Variants in KCNH5 observed in about 807,000 individuals in gnomAD.
KCNH5 encodes voltage-gated delayed rectifier potassium channel KCNH5.
Under a neutral mutation model 96.1 loss-of-function variants are expected in KCNH5, and 46 were observed. The ratio of observed to expected loss-of-function variants is 0.48; its 90% CI spans 0.38 to 0.61. The LOEUF (loss-of-function observed/expected upper bound fraction) is 0.61, where lower values mean the gene tolerates loss of function less well. Among genes scored for constraint, KCNH5 ranks in the 20% least tolerant of loss-of-function variants. The pLI is 0.00. For missense variants in KCNH5, 907 were observed against 1,225.8 expected (o/e 0.74, Z 3.88); for synonymous variants, 439 against 449.8 (o/e 0.98, Z 0.30).
intron 8 of KCNH5, among the ~76,000 whole-genome samples, chr14:62,802,798 A>G (rs556784935): frequency 4.6e-5 from 7 of 152,326 alleles, no homozygotes; most frequent in South Asian, 2.1e-4. Context: ...GACCATGACA[A>G]TGCAGAACTA....
At position 62,746,172 on chromosome 14, in the gene KCNH5, A is replaced by G. The variant is rs112693712; in HGVS notation, c.2019+33556T>C. Among the ~76,000 whole-genome samples the G allele has an allele frequency of 2.1e-3, 322 of 152,248 alleles. 1 individual carries two copies. The highest frequency in any genetic ancestry group is 7.1e-3 in the African/African-American group (296 of 41,564). On this transcript the variant is annotated intron_variant, in intron 10 of 10. Transcript: ENST00000322893. ...CATTCACTTCTCTTCAACAAATTAA[A>G]CAATTCTAGCCTCTTTCACCTTTTC...
At chr14:62,997,931 A>G (rs1363198036) in intron 4 of KCNH5, among the ~76,000 whole-genome samples, 1 of 151,496 alleles carries the variant, frequency 6.6e-6, no homozygotes, top group Non-Finnish European at 1.5e-5. Flanking sequence ...TTAAAAAAAA[A>G]ATATGTCTGT....
intron 7 of KCNH5, among the ~76,000 whole-genome samples, chr14:62,873,534 T>G (rs1168114330): frequency 3.9e-5 from 6 of 152,222 alleles, no homozygotes; most frequent in Non-Finnish European, 5.9e-5. Context: ...GTTGTCCTAC[T>G]GGCTAGATCA....
chr14:62,751,729 G>A (rs1354080999), intron 10 of KCNH5, among the ~76,000 whole-genome samples: 3 of 152,352 alleles, frequency 2.0e-5, no homozygotes, highest in African/African-American at 7.2e-5. Context: ...GCCAAGAGCT[G>A]CACCTTGTGG....
intron 1 of KCNH5, among the ~76,000 whole-genome samples, chr14:63,034,393 T>C (rs893062721): frequency 3.6e-4 from 55 of 152,188 alleles, no homozygotes; most frequent in African/African-American, 1.3e-3. Flanking sequence ...TCCACAATGT[T>C]GATTTGTTGT....
chr14:63,002,168 C>T (rs1000401428), intron 3 of KCNH5, among the ~76,000 whole-genome samples: 20 of 152,012 alleles, frequency 1.3e-4, no homozygotes, highest in Admixed American at 1.3e-3. Context: ...TGCTGCCTAC[C>T]TCCCTCACTT....
At chr14:62,843,508 T>C (rs1368894044) in intron 8 of KCNH5, among the ~76,000 whole-genome samples, 1 of 147,952 alleles carries the variant, frequency 6.8e-6, no homozygotes, top group Non-Finnish European at 1.5e-5. Context: ...TCCTCCCGGG[T>C]TCAAGCAATT....
chr14:62,769,398 A>G (rs1347404801), intron 10 of KCNH5, among the ~76,000 whole-genome samples: 44 of 152,252 alleles, frequency 2.9e-4, no homozygotes, highest in Non-Finnish European at 1.5e-5. Flanking sequence ...TGTGGCATGC[A>G]GGGTTTTCAG....
intron 7 of KCNH5, among the ~76,000 whole-genome samples, chr14:62,857,919 C>T (rs1176436776): frequency 2.0e-5 from 3 of 152,124 alleles, no homozygotes; most frequent in Non-Finnish European, 4.4e-5. Context: ...AGATCATAAT[C>T]TTCAAATAAA....
At chr14:62,874,656 A>T (rs568888534) in intron 7 of KCNH5, among the ~76,000 whole-genome samples, 38 of 150,894 alleles carry the variant, frequency 2.5e-4, no homozygotes, top group South Asian at 1.7e-3. Context: ...CATGCTAAAA[A>T]CTCTCAATAA....
intron 1 of KCNH5, among the ~76,000 whole-genome samples, chr14:63,040,380 A>G (rs1891800496): frequency 6.6e-6 from 1 of 152,114 alleles, no homozygotes; most frequent in Non-Finnish European, 1.5e-5. Flanking sequence ...ATTATATAAC[A>G]CAGTGTGGGA....
chr14:62,871,444 C>T (rs924474865), intron 7 of KCNH5, among the ~76,000 whole-genome samples: 4 of 152,094 alleles, frequency 2.6e-5, no homozygotes, highest in South Asian at 2.1e-4. Flanking sequence ...TAAGCTATAT[C>T]GATTGAAAGA....
At chr14:62,896,079 A>G (rs1057110553) in intron 7 of KCNH5, among the ~76,000 whole-genome samples, 5 of 152,208 alleles carry the variant, frequency 3.3e-5, no homozygotes, top group Admixed American at 3.3e-4. Context: ...TAGTCCATAT[A>G]TATGTCCAGA....
At chr14:63,036,147 A>G (rs717059) in intron 1 of KCNH5, among the ~76,000 whole-genome samples, 37,765 of 152,120 alleles carry the variant, frequency 0.25, 5,555 homozygotes, top group East Asian at 0.43. Flanking sequence ...AATATGTCAC[A>G]CATGTCATTC....
intron 9 of KCNH5, among the ~76,000 whole-genome samples, chr14:62,788,011 T>C (rs1886353967): frequency 6.6e-6 from 1 of 152,180 alleles, no homozygotes; most frequent in Admixed American, 6.5e-5. Flanking sequence ...AATTTTGACT[T>C]TCAAGTCTTA....
chr14:62,730,396 T>C (rs1341529061), intron 10 of KCNH5, among the ~76,000 whole-genome samples: 1 of 152,338 alleles, frequency 6.6e-6, no homozygotes, highest in African/African-American at 2.4e-5. Context: ...TCTGTAGATA[T>C]TATTATCCTA....
At chr14:62,808,256 TTAGA>T (rs1439116008) in intron 8 of KCNH5, among the ~76,000 whole-genome samples, 1 of 152,078 alleles carries the variant, frequency 6.6e-6, no homozygotes, top group African/African-American at 2.4e-5. Context: ...GTGTTTTAAG[TTAGA>T]TAGAATAAAG....
intron 10 of KCNH5, among the ~76,000 whole-genome samples, chr14:62,736,902 C>G (rs1885170918): frequency 6.6e-6 from 1 of 152,166 alleles, no homozygotes; most frequent in South Asian, 2.1e-4. Context: ...ACTGTTTACT[C>G]CTTTCTCACC....
intron 10 of KCNH5, among the ~76,000 whole-genome samples, chr14:62,771,713 C>A (rs1885991525): frequency 6.6e-6 from 1 of 152,096 alleles, no homozygotes; most frequent in Non-Finnish European, 1.5e-5. Flanking sequence ...TTCTTTGAGA[C>A]CACTACTAAA....
Sources: allele counts gnomAD v4.1 joint callset (sites outside exome capture counted in the v4.1 genomes callset), GRCh38; gene constraint gnomAD v4.1.1; transcripts MANE v1.5; gene names NCBI Gene and HGNC (gene_info 2026-07-23, HGNC 2026-07-21).